ABTB3: variants seen among roughly 807,000 people sequenced by gnomAD.
The protein encoded by ABTB3 is ankyrin repeat and BTB domain containing 3, also known as ankyrin repeat- and BTB/POZ domain-containing protein 3.
chr12:107,329,257 A>G, the ABTB3 span, among the ~76,000 whole-genome samples: 1 of 152,158 alleles, frequency 6.6e-6, no homozygotes. Flanking sequence ...CTCTGGAGTT[A>G]GGTGGACCAG....
At chr12:107,618,524 G>A in the ABTB3 span, 1 of 718,764 alleles carries the variant, frequency 1.4e-6, no homozygotes, top group Non-Finnish European at 2.2e-6. Context: ...GGGGACCCAG[G>A]GAGCTTCCCC....
At chr12:107,516,475 G>A in the ABTB3 span, among the ~76,000 whole-genome samples, 109 of 152,110 alleles carry the variant, frequency 7.2e-4, 2 homozygotes, top group African/African-American at 2.3e-3. Flanking sequence ...CAGGTGATCC[G>A]CCCACCTCGG....
the ABTB3 span, among the ~76,000 whole-genome samples, chr12:107,377,203 G>C: frequency 6.6e-6 from 1 of 152,196 alleles, no homozygotes; most frequent in East Asian, 1.9e-4. Context: ...TTGATGTAGG[G>C]GTATAAAAGC....
the ABTB3 span, among the ~76,000 whole-genome samples, chr12:107,610,779 C>T: frequency 1.3e-5 from 2 of 152,138 alleles, no homozygotes; most frequent in Non-Finnish European, 2.9e-5. Context: ...GTTTAAGATA[C>T]ACAAAAGTCA....
chr12:107,617,180 T>A, the ABTB3 span: 1 of 1,614,122 alleles, frequency 6.2e-7, no homozygotes, highest in Non-Finnish European at 8.5e-7. Context: ...GCAGCTGCTG[T>A]AGGTAAGAGC....
chr12:107,509,402 G>A, the ABTB3 span, among the ~76,000 whole-genome samples: 15 of 152,014 alleles, frequency 9.9e-5, no homozygotes, highest in Admixed American at 6.5e-4. Context: ...TTAAGGTGGT[G>A]ACTTTCTGAA....
the ABTB3 span, among the ~76,000 whole-genome samples, chr12:107,456,042 C>T: frequency 6.6e-6 from 1 of 152,214 alleles, no homozygotes; most frequent in Non-Finnish European, 1.5e-5. Context: ...ATGTGGACAA[C>T]AGAAGCATGA....
At chr12:107,550,337 A>C in the ABTB3 span, among the ~76,000 whole-genome samples, 2 of 151,894 alleles carry the variant, frequency 1.3e-5, no homozygotes, top group African/African-American at 4.8e-5. Flanking sequence ...TGTCTCTCTC[A>C]CCACCCATAT....
chr12:107,574,226 C>A, the ABTB3 span, among the ~76,000 whole-genome samples: 3 of 152,164 alleles, frequency 2.0e-5, no homozygotes, highest in Non-Finnish European at 4.4e-5. Flanking sequence ...GAACCAGGCT[C>A]GGCCAATCTG....
At chr12:107,322,272 C>T in the ABTB3 span, among the ~76,000 whole-genome samples, 1 of 152,142 alleles carries the variant, frequency 6.6e-6, no homozygotes, top group African/African-American at 2.4e-5. Flanking sequence ...CTCTCCCACA[C>T]CACAGCGCTT....
At chr12:107,566,036 G>A in the ABTB3 span, among the ~76,000 whole-genome samples, 3 of 152,212 alleles carry the variant, frequency 2.0e-5, no homozygotes, top group East Asian at 3.9e-4. Flanking sequence ...TGTAAAATCG[G>A]TAACATCTAG....
chr12:107,503,296 C>T, the ABTB3 span, among the ~76,000 whole-genome samples: 1 of 152,114 alleles, frequency 6.6e-6, no homozygotes, highest in Non-Finnish European at 1.5e-5. Flanking sequence ...GCCCCATAGA[C>T]ATGGTGGCTG....
the ABTB3 span, chr12:107,320,760 C>T: frequency 2.3e-6 from 1 of 444,432 alleles, no homozygotes; most frequent in African/African-American, 2.0e-5. Context: ...CAATTCCAGC[C>T]TCCCAGCTCT....
the ABTB3 span, among the ~76,000 whole-genome samples, chr12:107,541,419 C>A: frequency 1.3e-5 from 2 of 152,194 alleles, no homozygotes; most frequent in African/African-American, 2.4e-5. Context: ...AAAAACAGAA[C>A]CAACAGGATT....
chr12:107,543,646 G>A, the ABTB3 span, among the ~76,000 whole-genome samples: 4 of 152,060 alleles, frequency 2.6e-5, no homozygotes, highest in African/African-American at 7.2e-5. Context: ...GGAACGGGAC[G>A]CAAAGGGCTT....
chr12:107,548,385 T>C, the ABTB3 span, among the ~76,000 whole-genome samples: 1 of 152,236 alleles, frequency 6.6e-6, no homozygotes, highest in Non-Finnish European at 1.5e-5. Context: ...AAATATGGAT[T>C]ATTTTATGCC....
chr12:107,461,726 A>T, the ABTB3 span, among the ~76,000 whole-genome samples: 1 of 152,160 alleles, frequency 6.6e-6, no homozygotes, highest in South Asian at 2.1e-4. Context: ...GAGGTAGAGG[A>T]TATGAATAAG....
the ABTB3 span, among the ~76,000 whole-genome samples, chr12:107,628,141 T>C: frequency 5.3e-5 from 8 of 152,060 alleles, no homozygotes; most frequent in Middle Eastern, 3.2e-3. Context: ...GGGTCTTTTT[T>C]TGGGGGGTGG....
the ABTB3 span, among the ~76,000 whole-genome samples, chr12:107,377,413 G>C: frequency 9.2e-5 from 6 of 65,268 alleles, no homozygotes; most frequent in African/African-American, 3.0e-4. Context: ...GAGAGAGCAA[G>C]AGTGTGTGTG....
Sources: allele counts gnomAD v4.1 joint callset (sites outside exome capture counted in the v4.1 genomes callset), GRCh38; gene constraint gnomAD v4.1.1; transcripts MANE v1.5; gene names NCBI Gene and HGNC (gene_info 2026-07-23, HGNC 2026-07-21).